COG6: variants seen among roughly 807,000 people sequenced by gnomAD.
COG6 encodes the protein component of oligomeric golgi complex 6.
COG6 carries 74 observed loss-of-function variants against 88.8 expected under a neutral mutation model. That is an observed-to-expected ratio of 0.83 (90% confidence interval 0.69 to 1.01). The LOEUF is 1.01. Ranked by LOEUF, COG6 falls within the 50% of genes least tolerant of loss-of-function variation. The probability of loss-of-function intolerance (pLI) is 0.00; values close to 1 mark genes in which losing one functional copy is unlikely to be tolerated. For missense variants in COG6, 800 were observed against 797.9 expected (o/e 1.00, Z -0.03); for synonymous variants, 286 against 278.7 (o/e 1.03, Z -0.26).
At chr13:39,738,621 G>GA (rs1312380403) in intron 18 of COG6, among the ~76,000 whole-genome samples, 1 of 152,102 alleles carries the variant, frequency 6.6e-6, no homozygotes, top group Admixed American at 6.5e-5. Flanking sequence ...TAGACTGGAT[G>GA]AAAAAGCATG....
intron 3 of COG6, among the ~76,000 whole-genome samples, 170 bp from the exon 4 acceptor site, chr13:39,664,926 C>T (rs1228841862): frequency 6.6e-6 from 1 of 152,096 alleles, no homozygotes; most frequent in African/African-American, 2.4e-5. Flanking sequence ...GAGTGTGTTC[C>T]TCCAGTGGAT....
chr13:39,712,786 T>C (rs903623420), intron 13 of COG6, among the ~76,000 whole-genome samples: 2 of 152,186 alleles, frequency 1.3e-5, no homozygotes, highest in African/African-American at 4.8e-5. Context: ...GTATAGGTAT[T>C]TGGAAGTAAT....
chr13:39,751,809 A>G lies in COG6; in HGVS notation c.*716A>G. 7.8e-7 allele frequency: 1 copy of G among 1,287,182 alleles called. No homozygotes were observed. The highest frequency in any genetic ancestry group is 1.0e-6 in the Non-Finnish European group (1 of 988,668). The allele number at this position is 1,287,182 out of a possible 1,614,324, so 79.7% of individuals were successfully genotyped here. On this transcript the variant is annotated 3_prime_UTR_variant, in exon 19 of 19. Coordinates refer to ENST00000455146, the MANE Select transcript of COG6 (RefSeq NM_020751.3). ...CCACTCTGTGGGAGCCTTCGATGGAACTCAAGGTGGAGCTCAGCCTTTCCA... is the reference window on the plus strand; with the variant it reads ...CCACTCTGTGGGAGCCTTCGATGGAGCTCAAGGTGGAGCTCAGCCTTTCCA...
chr13:39,731,062 A>G (rs1340841174), intron 18 of COG6, among the ~76,000 whole-genome samples: 1 of 151,848 alleles, frequency 6.6e-6, no homozygotes, highest in Admixed American at 6.6e-5. Context: ...ACCTCAAATT[A>G]TACACCTGCC....
At position 39,751,399 on chromosome 13, in the gene COG6, A is replaced by G. The variant is rs542130878; in HGVS notation, c.*306A>G. 1.9e-4 allele frequency: 250 copies of G among 1,328,616 alleles called. 2 individuals carry two copies. In the South Asian group the frequency reaches 3.1e-3, roughly 16 times the overall value. 82.3% of individuals were successfully genotyped at this position (1,328,616 alleles called of 1,614,324 possible). A position where few individuals can be genotyped will look rare whatever the true frequency, so the allele number is the denominator to read the frequency against. ...TAAAGTAGTATGAAAGGTTTGAAGA[A>G]TTTTTTTTTACAAGACTAGTTCTAA... On this transcript the variant is annotated 3_prime_UTR_variant, in exon 19 of 19. Coordinates refer to ENST00000455146, the MANE Select transcript of COG6 (RefSeq NM_020751.3).
chr13:39,786,034 G>A (rs1240719815), intron 18 of COG6, among the ~76,000 whole-genome samples: 3 of 152,140 alleles, frequency 2.0e-5, no homozygotes, highest in East Asian at 1.9e-4. Flanking sequence ...TGCCTCAACC[G>A]TATACATCCC....
At chr13:39,711,643 T>C (rs1405910948) in intron 13 of COG6, among the ~76,000 whole-genome samples, 1 of 152,224 alleles carries the variant, frequency 6.6e-6, no homozygotes, top group Non-Finnish European at 1.5e-5. Context: ...GGGAATGATA[T>C]ATACCTTAGG....
At chr13:39,684,468 T>C (rs1245784946) in intron 8 of COG6, among the ~76,000 whole-genome samples, 1 of 151,648 alleles carries the variant, frequency 6.6e-6, no homozygotes, top group Admixed American at 6.6e-5. Flanking sequence ...GCCAGGATGG[T>C]CTCGATCTCC....
In COG6 at chr13:39,722,007, A is replaced by G. The variant is rs919477927; in HGVS notation, c.1585-1326A>G. On this transcript the variant is annotated intron_variant, in intron 15 of 18. Coordinates refer to ENST00000455146, the MANE Select transcript of COG6 (RefSeq NM_020751.3). ...TTTCTTTTGCTTAGTAAAGAGTTCT[A>G]TTTCTTTAATCATCACTTTTCTATG... Among the ~76,000 whole-genome samples the G allele has an allele frequency of 3.9e-5, 6 of 152,074 alleles. No homozygotes were observed. The South Asian group carries it at 1.0e-3, about 26-fold the overall frequency.
chr13:39,751,862 A>T lies in COG6; in HGVS notation c.*769A>T. The T allele has an allele frequency of 3.1e-6, 4 of 1,287,054 alleles. No homozygotes were observed. The highest frequency in any genetic ancestry group is 4.0e-6 in the Non-Finnish European group (4 of 988,572). 79.7% of individuals were successfully genotyped at this position (1,287,054 alleles called of 1,614,324 possible). ...GAGCTCTAAGCATGTAGATAGCCTG[A>T]GCTGTGTCTAAGCCTGGTGTTTAAA... On this transcript the variant is annotated 3_prime_UTR_variant, in exon 19 of 19. Transcript: ENST00000455146.
At chr13:39,681,150 T>C (rs4132636) in intron 7 of COG6, among the ~76,000 whole-genome samples, 41,558 of 152,148 alleles carry the variant, frequency 0.27, 5,881 homozygotes, top group African/African-American at 0.36. Flanking sequence ...CATATTTTAA[T>C]AGGTGTTACC....
At chr13:39,762,408 A>G (rs1881045158) in intron 18 of COG6, among the ~76,000 whole-genome samples, 1 of 151,928 alleles carries the variant, frequency 6.6e-6, no homozygotes, top group African/African-American at 2.4e-5. Flanking sequence ...GTTAATGGAT[A>G]CAAAAGTACA....
At chr13:39,753,527 A>G (rs889828327), downstream of COG6, among the ~76,000 whole-genome samples, 42 of 152,236 alleles carry the variant, frequency 2.8e-4, no homozygotes, top group African/African-American at 9.6e-4. Flanking sequence ...CTCAGTTAAT[A>G]TCCTTCATAA....
chr13:39,733,946 AT>A (rs1351867231), intron 18 of COG6, among the ~76,000 whole-genome samples: 1 of 152,048 alleles, frequency 6.6e-6, no homozygotes, highest in African/African-American at 2.4e-5. Flanking sequence ...GAGCCTTTGA[AT>A]TTCTGGGGTA....
At chr13:39,662,070 G>C (rs1292146838) in intron 3 of COG6, among the ~76,000 whole-genome samples, 1 of 148,598 alleles carries the variant, frequency 6.7e-6, no homozygotes, top group Non-Finnish European at 1.5e-5. Flanking sequence ...ATTTTTATTT[G>C]TGCTATTTTT....
chr13:39,745,629 C>T (rs1218306704), intron 18 of COG6, among the ~76,000 whole-genome samples: 1 of 152,180 alleles, frequency 6.6e-6, no homozygotes, highest in Non-Finnish European at 1.5e-5. Context: ...AATGCTTTTT[C>T]ACTGTTGGTG....
exon 19 of COG6, chr13:39,789,042 T>G (rs1881860213): frequency 6.6e-6 from 1 of 152,258 alleles, no homozygotes; most frequent in Non-Finnish European, 1.5e-5. Context: ...ACCCTGGACC[T>G]TAGCCATCAA....
chr13:39,692,727 C>A (rs1181401615), intron 11 of COG6, among the ~76,000 whole-genome samples: 2 of 152,052 alleles, frequency 1.3e-5, no homozygotes. Flanking sequence ...CTCTTCCCTA[C>A]CTTCTCTGCT....
chr13:39,696,531 A>G (rs545888342), intron 12 of COG6, among the ~76,000 whole-genome samples: 1 of 151,802 alleles, frequency 6.6e-6, no homozygotes, highest in Non-Finnish European at 1.5e-5. Flanking sequence ...GTCCAGGACA[A>G]AAATACACTC....
Sources: allele counts gnomAD v4.1 joint callset (sites outside exome capture counted in the v4.1 genomes callset), GRCh38; gene constraint gnomAD v4.1.1; transcripts MANE v1.5; gene names NCBI Gene and HGNC (gene_info 2026-07-23, HGNC 2026-07-21).